Variants in SYN3 observed in about 807,000 individuals in gnomAD.
SYN3 encodes synapsin III, also known as synapsin-3.
In SYN3, 35 loss-of-function variants were observed where a neutral mutation model predicts 65.8. The ratio of observed to expected loss-of-function variants is 0.53; its 90% confidence interval spans 0.41 to 0.70. The LOEUF (loss-of-function observed/expected upper bound fraction) is 0.70. Ranked by LOEUF, SYN3 falls within the 30% of genes least tolerant of loss-of-function variation. The probability of loss-of-function intolerance (pLI) is 0.00; values close to 1 mark genes in which losing one functional copy is unlikely to be tolerated. For missense variants in SYN3, 680 were observed against 749.0 expected (o/e 0.91, Z 1.08); for synonymous variants, 270 against 292.9 (o/e 0.92, Z 0.80).
intron 7 of SYN3, among the ~76,000 whole-genome samples, chr22:32,564,760 C>G (rs1418943743): frequency 7.6e-6 from 1 of 131,978 alleles, no homozygotes. Flanking sequence ...ACCCAGTGCT[C>G]CCGCATTGTA....
At chr22:32,886,150 T>C (rs2049282409) in intron 4 of SYN3, among the ~76,000 whole-genome samples, 2 of 152,194 alleles carry the variant, frequency 1.3e-5, no homozygotes, top group African/African-American at 4.8e-5. Flanking sequence ...TTGCTAAGTG[T>C]GTTTACAATG....
At chr22:32,566,850 G>T (rs750018178) in intron 7 of SYN3, among the ~76,000 whole-genome samples, 1 of 152,132 alleles carries the variant, frequency 6.6e-6, no homozygotes, top group East Asian at 1.9e-4. Flanking sequence ...AACATTGAGC[G>T]CCAGGAGTGA....
At chr22:32,531,369 T>C (rs2058068705) in intron 10 of SYN3, among the ~76,000 whole-genome samples, 1 of 151,818 alleles carries the variant, frequency 6.6e-6, no homozygotes, top group African/African-American at 2.4e-5. Context: ...CCCCTGCCCC[T>C]GCCAACCCCA....
chr22:32,993,504 C>T (rs891505314), intron 2 of SYN3, among the ~76,000 whole-genome samples: 1 of 152,176 alleles, frequency 6.6e-6, no homozygotes, highest in Non-Finnish European at 1.5e-5. Flanking sequence ...CGCCACCACG[C>T]CCTGCTAATT....
chr22:32,823,124 A>G (rs1025387921), intron 6 of SYN3, among the ~76,000 whole-genome samples: 2 of 152,210 alleles, frequency 1.3e-5, no homozygotes, highest in Non-Finnish European at 2.9e-5. Context: ...TAAAAGAACA[A>G]TGGTGGGAAA....
rs563563434 is a variant in SYN3 at position 32,873,974 on chromosome 22, A to G, written c.462-4849T>C. 2.0e-5 allele frequency among the ~76,000 whole-genome samples: 3 copies of G among 149,258 alleles called. No homozygotes were observed. The East Asian group carries it at 5.9e-4, about 29-fold the overall frequency. On this transcript the variant is annotated intron_variant, in intron 4 of 13. Transcript: ENST00000358763. Reference sequence around the variant, plus strand: ...AAACCCCATCTCTACAAAAAATACAAAAAAAAAAAATTAGCTGGGCATAGT... The same window carrying G: ...AAACCCCATCTCTACAAAAAATACAGAAAAAAAAAATTAGCTGGGCATAGT...
At chr22:32,570,127 T>C (rs1403206861) in intron 7 of SYN3, among the ~76,000 whole-genome samples, 5 of 152,172 alleles carry the variant, frequency 3.3e-5, no homozygotes, top group African/African-American at 1.2e-4. Context: ...CCGAGGTCGA[T>C]TAAACATGGT....
Position 32,513,706 on chromosome 22 carries a change from G to T in SYN3, c.1729C>A (p.Leu577Met). The change falls in exon 14 of 14, where the codon CTG (leucine) becomes ATG (methionine). Residue 577 changes from leucine (L) to methionine (M), a missense_variant. Transcript: ENST00000358763. ...IRNLRKSFAS[L>M]FSD ...CCTGGATGGCGTTAGTCAGAGAACA[G>T]GCTGGCAAAAGACTTCCTCAGGTTG... 2 of 1,614,184 alleles carry T rather than the reference G, an allele frequency of 1.2e-6. No homozygotes were observed. Among genetic ancestry groups the T allele is most frequent in the South Asian group, 2.2e-5 (2 of 91,072 alleles).
intron 1 of SYN3, among the ~76,000 whole-genome samples, chr22:33,056,176 T>C (rs1287785220): frequency 6.6e-6 from 1 of 152,162 alleles, no homozygotes; most frequent in Non-Finnish European, 1.5e-5. Context: ...GCAGTAGTCT[T>C]CGTGGCTATT....
intron 4 of SYN3, among the ~76,000 whole-genome samples, chr22:32,916,282 T>C (rs951948217): frequency 1.3e-5 from 2 of 152,216 alleles, no homozygotes; most frequent in Non-Finnish European, 1.5e-5. Flanking sequence ...CCTGCCCAAA[T>C]TCCTGGCCCA....
intron 4 of SYN3, among the ~76,000 whole-genome samples, chr22:32,877,005 T>G (rs932062545): frequency 6.6e-6 from 1 of 152,206 alleles, no homozygotes; most frequent in African/African-American, 2.4e-5. Flanking sequence ...GAGAAATAAG[T>G]CCCCTGTACT....
At chr22:32,999,161 G>A (rs1014712954) in intron 2 of SYN3, among the ~76,000 whole-genome samples, 2 of 152,206 alleles carry the variant, frequency 1.3e-5, no homozygotes, top group Non-Finnish European at 2.9e-5. Flanking sequence ...GCGCCAGCAT[G>A]ATGAAGTGTG....
intron 7 of SYN3, among the ~76,000 whole-genome samples, chr22:32,546,706 G>A (rs570108978): frequency 2.0e-5 from 3 of 152,200 alleles, no homozygotes; most frequent in East Asian, 3.9e-4. Flanking sequence ...ATCCCTCCAA[G>A]GGTTCACAAA....
At chr22:32,869,217 T>A in intron 4 of SYN3, 92 bp from the exon 5 acceptor site, 2 of 1,435,834 alleles carry the variant, frequency 1.4e-6, no homozygotes, top group South Asian at 2.6e-5. Flanking sequence ...TAGCACTGAC[T>A]TGCAGGGCGG....
At chr22:32,524,604 T>G (rs972202919) in intron 12 of SYN3, among the ~76,000 whole-genome samples, 2 of 152,232 alleles carry the variant, frequency 1.3e-5, no homozygotes, top group African/African-American at 2.4e-5. Context: ...ATCCACACAA[T>G]AGTTCTGATG....
At chr22:32,644,101 A>AAAAAAAAAAAAAAAGAG (rs368236821) in intron 6 of SYN3, among the ~76,000 whole-genome samples, 1 of 71,214 alleles carries the variant, frequency 1.4e-5, no homozygotes. Flanking sequence ...AAAAAAAAAA[A>AAAAAAAAAAAAAAAGAG]AGCGACAAGA....
At chr22:32,685,521 C>T (rs1461309684) in intron 6 of SYN3, among the ~76,000 whole-genome samples, 5 of 152,148 alleles carry the variant, frequency 3.3e-5, no homozygotes, top group African/African-American at 2.4e-5. Flanking sequence ...TGTACCTTTT[C>T]TATGTTTAGA....
At chr22:32,888,116 G>C (rs1168118886) in intron 4 of SYN3, among the ~76,000 whole-genome samples, 2 of 151,880 alleles carry the variant, frequency 1.3e-5, no homozygotes, top group African/African-American at 4.8e-5. Context: ...GGCTATTTTT[G>C]GATATCTGCT....
At chr22:32,896,989 A>G (rs1000983731) in intron 4 of SYN3, among the ~76,000 whole-genome samples, 7 of 152,226 alleles carry the variant, frequency 4.6e-5, no homozygotes, top group Admixed American at 1.3e-4. Flanking sequence ...CCAGAAAAGG[A>G]CTTTAACCTA....
Sources: allele counts gnomAD v4.1 joint callset (sites outside exome capture counted in the v4.1 genomes callset), GRCh38; gene constraint gnomAD v4.1.1; transcripts MANE v1.5; gene names NCBI Gene and HGNC (gene_info 2026-07-23, HGNC 2026-07-21).